Variants in CFAP299 observed in about 807,000 individuals in gnomAD.
CFAP299 encodes the protein cilia- and flagella-associated protein 299.
A neutral mutation model predicts 27.0 loss-of-function variants in CFAP299; 21 were observed. The ratio of observed to expected loss-of-function variants is 0.78; its 90% CI spans 0.55 to 1.12. CFAP299 has a LOEUF of 1.12. CFAP299 is among the 50% of genes most tolerant of loss of function. The pLI is 0.00. For synonymous variants in CFAP299, 104 were observed against 98.1 expected (o/e 1.06, Z -0.36); for missense variants, 310 against 276.6 (o/e 1.12, Z -0.86).
intron 4 of CFAP299, among the ~76,000 whole-genome samples, chr4:80,931,655 AGG>A (rs1265830739): frequency 4.6e-5 from 7 of 152,082 alleles, no homozygotes; most frequent in African/African-American, 7.2e-5. Context: ...AAGACTGCAC[AGG>A]GAGGCTTTAT....
intron 2 of CFAP299, among the ~76,000 whole-genome samples, chr4:80,567,235 A>G (rs1735346069): frequency 6.6e-6 from 1 of 152,076 alleles, no homozygotes; most frequent in South Asian, 2.1e-4. Context: ...TGTACATTTG[A>G]TAATTTAAAA....
intron 2 of CFAP299, among the ~76,000 whole-genome samples, chr4:80,553,712 T>C (rs1263552976): frequency 6.6e-6 from 1 of 152,182 alleles, no homozygotes; most frequent in African/African-American, 2.4e-5. Context: ...TGTAAGATGG[T>C]ATCTTTTTTT....
At chr4:80,799,366 TTA>T (rs1203164411) in intron 3 of CFAP299, among the ~76,000 whole-genome samples, 20 of 98,834 alleles carry the variant, frequency 2.0e-4, no homozygotes, top group African/African-American at 4.3e-4. Flanking sequence ...TATATAATAT[TTA>T]TATATATAAA....
chr4:80,533,420 ATC>A (rs1442042451), intron 2 of CFAP299, among the ~76,000 whole-genome samples: 1 of 152,184 alleles, frequency 6.6e-6, no homozygotes, highest in Non-Finnish European at 1.5e-5. Context: ...GAATGTTCCA[ATC>A]TCTTCTTATT....
chr4:80,365,454 C>A (rs1033211742), intron 2 of CFAP299, among the ~76,000 whole-genome samples: 1 of 152,140 alleles, frequency 6.6e-6, no homozygotes, highest in Admixed American at 6.5e-5. Flanking sequence ...AACATATTCA[C>A]AGTTCTTAAG....
chr4:80,644,958 T>C (rs1489894978), intron 3 of CFAP299, among the ~76,000 whole-genome samples: 1 of 152,188 alleles, frequency 6.6e-6, no homozygotes, highest in East Asian at 1.9e-4. Flanking sequence ...CATACCCGCC[T>C]TCTTGTAAGA....
Position 80,492,051 on chromosome 4 carries a change from C to T in CFAP299, c.243-91042C>T, listed in dbSNP as rs370633587. 3.5e-4 allele frequency among the ~76,000 whole-genome samples: 53 copies of T among 152,286 alleles called. No homozygotes were observed. In the South Asian group the frequency reaches 0.011, roughly 31 times the overall value. Reference sequence around the variant, plus strand: ...TATTTTACCTTAATCTTTATCTTAACCGTTTTTGTCTATCCAGATCTTTAG... The same window carrying T: ...TATTTTACCTTAATCTTTATCTTAATCGTTTTTGTCTATCCAGATCTTTAG... On this transcript the variant is annotated intron_variant, in intron 2 of 5. Transcript: ENST00000358105.
At chr4:80,841,186 A>G (rs926286607) in intron 3 of CFAP299, among the ~76,000 whole-genome samples, 1 of 152,152 alleles carries the variant, frequency 6.6e-6, no homozygotes, top group African/African-American at 2.4e-5. Flanking sequence ...TCATTTCACT[A>G]TATCACATGG....
At chr4:80,651,550 A>C (rs556014118) in intron 3 of CFAP299, among the ~76,000 whole-genome samples, 1 of 151,670 alleles carries the variant, frequency 6.6e-6, no homozygotes, top group Non-Finnish European at 1.5e-5. Context: ...AATTTTGTAG[A>C]GATAGGGTCT....
At chr4:80,785,535 A>G (rs543219557) in intron 3 of CFAP299, among the ~76,000 whole-genome samples, 3 of 152,262 alleles carry the variant, frequency 2.0e-5, no homozygotes, top group African/African-American at 7.2e-5. Context: ...TGCCCCAAAC[A>G]TTTATTTAGT....
chr4:80,680,819 G>T (rs1253346709), intron 3 of CFAP299, among the ~76,000 whole-genome samples: 1 of 152,184 alleles, frequency 6.6e-6, no homozygotes, highest in Admixed American at 6.5e-5. Context: ...CAGCCATGAA[G>T]TGAAATTCAA....
intron 3 of CFAP299, among the ~76,000 whole-genome samples, chr4:80,702,091 T>G (rs1250688431): frequency 6.6e-6 from 1 of 151,860 alleles, no homozygotes; most frequent in Non-Finnish European, 1.5e-5. Context: ...TGGAAAGAAC[T>G]CTGCAGTGAT....
intron 3 of CFAP299, among the ~76,000 whole-genome samples, chr4:80,853,863 G>A (rs1731671855): frequency 6.6e-6 from 1 of 152,222 alleles, no homozygotes; most frequent in Non-Finnish European, 1.5e-5. Context: ...GATATTAAAA[G>A]AAGTTGTGTG....
chr4:80,389,260 A>C (rs986301000), intron 2 of CFAP299, among the ~76,000 whole-genome samples: 8 of 152,200 alleles, frequency 5.3e-5, no homozygotes, highest in African/African-American at 1.9e-4. Context: ...ATTCCTACCT[A>C]GTATTACAAT....
intron 1 of CFAP299, among the ~76,000 whole-genome samples, chr4:80,356,789 A>G (rs1723301354): frequency 6.6e-6 from 1 of 152,034 alleles, no homozygotes; most frequent in Non-Finnish European, 1.5e-5. Flanking sequence ...AAATAAAGAC[A>G]ATTTGACTTC....
At chr4:80,568,204 A>AT (rs1560629047) in intron 2 of CFAP299, among the ~76,000 whole-genome samples, 1 of 151,862 alleles carries the variant, frequency 6.6e-6, no homozygotes, top group Non-Finnish European at 1.5e-5. Flanking sequence ...TATTTTATAT[A>AT]TGTGTATGCT....
At chr4:80,957,341 A>G (rs894638160) in intron 5 of CFAP299, among the ~76,000 whole-genome samples, 22 of 152,300 alleles carry the variant, frequency 1.4e-4, no homozygotes, top group South Asian at 6.2e-4. Flanking sequence ...AGCCAGTTAC[A>G]TCGTTTGCTG....
In CFAP299 at chr4:80,862,238, C is replaced by T. The variant is rs181443058; in HGVS notation, c.334-7755C>T. ...TACAAAAATTAGCTTGGAGCAGTGGCGTGTGCTTGTGGTCCCAGCTACTCG... is the reference window on the plus strand; with the variant it reads ...TACAAAAATTAGCTTGGAGCAGTGGTGTGTGCTTGTGGTCCCAGCTACTCG... On this transcript the variant is annotated intron_variant, in intron 3 of 5. Coordinates refer to ENST00000358105, the MANE Select transcript of CFAP299 (RefSeq NM_152770.3). Among the ~76,000 whole-genome samples, 18 of 152,070 alleles carry T rather than the reference C, an allele frequency of 1.2e-4. No individual in the cohort carries two copies. In the East Asian group the frequency reaches 2.3e-3, roughly 20 times the overall value.
At chr4:80,765,112 G>C (rs1265965760) in intron 3 of CFAP299, among the ~76,000 whole-genome samples, 1 of 151,862 alleles carries the variant, frequency 6.6e-6, no homozygotes, top group Non-Finnish European at 1.5e-5. Flanking sequence ...GTAAAGAAAA[G>C]AAATCTTCTG....
Sources: allele counts gnomAD v4.1 joint callset (sites outside exome capture counted in the v4.1 genomes callset), GRCh38; gene constraint gnomAD v4.1.1; transcripts MANE v1.5; gene names NCBI Gene and HGNC (gene_info 2026-07-23, HGNC 2026-07-21).